SLC35F4: variants seen among roughly 807,000 people sequenced by gnomAD.
The protein encoded by SLC35F4 is solute carrier family 35 member F4.
A neutral mutation model predicts 44.2 loss-of-function variants in SLC35F4; 24 were observed. The ratio of observed to expected loss-of-function variants is 0.54; its 90% CI spans 0.39 to 0.76. The LOEUF (loss-of-function observed/expected upper bound fraction) is 0.76. SLC35F4 is among the 30% of genes least tolerant of loss of function. The pLI, the probability that SLC35F4 is intolerant of heterozygous loss-of-function variation, is 0.00. For missense variants in SLC35F4, 562 were observed against 586.1 expected (o/e 0.96, Z 0.42); for synonymous variants, 238 against 223.6 (o/e 1.06, Z -0.57).
chr14:57,795,322 C>T (rs1439557716), intron 1 of SLC35F4, among the ~76,000 whole-genome samples: 1 of 152,150 alleles, frequency 6.6e-6, no homozygotes, highest in African/African-American at 2.4e-5. Flanking sequence ...GCTCAGCCTT[C>T]AAGTTTCTCC....
intron 1 of SLC35F4, among the ~76,000 whole-genome samples, chr14:57,666,469 T>C (rs4901809): frequency 0.39 from 59,097 of 151,850 alleles, 11,616 homozygotes; most frequent in South Asian, 0.5. Context: ...CCTGAATGAG[T>C]TGGGAAAAGA....
At chr14:57,666,908 G>A (rs73305940) in intron 1 of SLC35F4, among the ~76,000 whole-genome samples, 3,890 of 151,992 alleles carry the variant, frequency 0.026, 159 homozygotes, top group African/African-American at 0.087. Flanking sequence ...CCAGGGAGAC[G>A]GAGACTACAA....
At chr14:57,742,802 A>G (rs1222935201) in intron 1 of SLC35F4, among the ~76,000 whole-genome samples, 1 of 152,230 alleles carries the variant, frequency 6.6e-6, no homozygotes, top group African/African-American at 2.4e-5. Context: ...ACTTATTCCA[A>G]AATTGACCAC....
chr14:57,881,851 C>T (rs1888541425), intron 1 of SLC35F4, among the ~76,000 whole-genome samples: 1 of 152,008 alleles, frequency 6.6e-6, no homozygotes, highest in Admixed American at 6.6e-5. Flanking sequence ...GTAAATAGTC[C>T]CTATAGGTCC....
At chr14:57,729,328 A>C (rs2076289940) in intron 1 of SLC35F4, among the ~76,000 whole-genome samples, 1 of 152,140 alleles carries the variant, frequency 6.6e-6, no homozygotes, top group African/African-American at 2.4e-5. Flanking sequence ...TACCGTAGCC[A>C]CAAGAGCTGG....
At chr14:57,846,472 C>T (rs146733463) in intron 1 of SLC35F4, among the ~76,000 whole-genome samples, 1,603 of 152,204 alleles carry the variant, frequency 0.011, 21 homozygotes, top group African/African-American at 0.036. Context: ...GTCGTTTTTC[C>T]GAGATTCTAG....
chr14:57,778,630 G>C (rs532463482), intron 1 of SLC35F4, among the ~76,000 whole-genome samples: 27 of 152,010 alleles, frequency 1.8e-4, no homozygotes, highest in African/African-American at 5.3e-4. Context: ...GGACCTAATA[G>C]ACATCTACAG....
At chr14:57,662,313 A>G (rs2074164462) in intron 1 of SLC35F4, among the ~76,000 whole-genome samples, 1 of 152,200 alleles carries the variant, frequency 6.6e-6, no homozygotes. Flanking sequence ...GCATGCCGTG[A>G]TTTGAATATA....
At chr14:57,661,964 G>A (rs1957707) in intron 1 of SLC35F4, among the ~76,000 whole-genome samples, 59,077 of 152,024 alleles carry the variant, frequency 0.39, 11,597 homozygotes, top group South Asian at 0.5. Flanking sequence ...ACTGAGTGTA[G>A]CATTAGGGAA....
chr14:57,611,466 A>G (rs948782716), intron 1 of SLC35F4, among the ~76,000 whole-genome samples: 3 of 152,094 alleles, frequency 2.0e-5, no homozygotes, highest in Admixed American at 6.6e-5. Flanking sequence ...CACCCCGGGG[A>G]ACAGTCCTGG....
chr14:57,892,163 T>A (rs1224248150), intron 1 of SLC35F4, among the ~76,000 whole-genome samples: 1 of 152,222 alleles, frequency 6.6e-6, no homozygotes, highest in Non-Finnish European at 1.5e-5. Flanking sequence ...CATTCTTTTA[T>A]ATCTCTTCAC....
intron 3 of SLC35F4, among the ~76,000 whole-genome samples, chr14:57,588,243 T>C (rs2069915062): frequency 6.6e-6 from 1 of 152,202 alleles, no homozygotes; most frequent in African/African-American, 2.4e-5. Flanking sequence ...CCAGTTGTAA[T>C]AATTTCTTTT....
At chr14:57,784,580 G>A (rs1363150937) in intron 1 of SLC35F4, among the ~76,000 whole-genome samples, 1 of 152,150 alleles carries the variant, frequency 6.6e-6, no homozygotes, top group East Asian at 1.9e-4. Flanking sequence ...GGGAGGCTGT[G>A]CTGGGAGAAT....
chr14:57,909,926 A>G (rs1448947720), intron 1 of SLC35F4, among the ~76,000 whole-genome samples: 1 of 152,162 alleles, frequency 6.6e-6, no homozygotes, highest in Non-Finnish European at 1.5e-5. Flanking sequence ...TACTATTTTC[A>G]TTCCTGTCAG....
At chr14:57,721,853 G>T (rs2076092841) in intron 1 of SLC35F4, among the ~76,000 whole-genome samples, 1 of 152,062 alleles carries the variant, frequency 6.6e-6, no homozygotes, top group South Asian at 2.1e-4. Context: ...TTTATCTGAG[G>T]AGATAAACCC....
At chr14:57,936,812 T>C (rs1889805056) in intron 1 of SLC35F4, among the ~76,000 whole-genome samples, 1 of 151,894 alleles carries the variant, frequency 6.6e-6, no homozygotes, top group South Asian at 2.1e-4. Context: ...ACAAAATGGG[T>C]AGGATTTGGG....
At chr14:57,693,368 G>T (rs574069191) in intron 1 of SLC35F4, among the ~76,000 whole-genome samples, 37 of 152,148 alleles carry the variant, frequency 2.4e-4, no homozygotes, top group Non-Finnish European at 5.1e-4. Flanking sequence ...TGACATGTTC[G>T]TGATGGCCAT....
At chr14:57,890,178 T>C (rs1471313258) in intron 1 of SLC35F4, among the ~76,000 whole-genome samples, 1 of 152,122 alleles carries the variant, frequency 6.6e-6, no homozygotes, top group African/African-American at 2.4e-5. Context: ...ACAACATGCT[T>C]TGGGTAGCCA....
intron 1 of SLC35F4, among the ~76,000 whole-genome samples, chr14:57,667,819 C>A (rs548903222): frequency 1.3e-5 from 2 of 151,308 alleles, no homozygotes; most frequent in East Asian, 3.9e-4. Context: ...TTTATAGCAG[C>A]ATGATTTATA....
Sources: gnomAD v4.1 joint callset for allele counts (sites outside exome capture counted in the v4.1 genomes callset) on GRCh38, gnomAD v4.1.1 for gene constraint, MANE v1.5 for transcripts, NCBI Gene and HGNC (gene_info 2026-07-23, HGNC 2026-07-21) for gene names.